Variants in ATP13A4 observed in about 807,000 individuals in gnomAD.
ATP13A4 encodes probable cation-transporting ATPase 13A4.
Under a neutral mutation model 142.5 loss-of-function variants are expected in ATP13A4, and 114 were observed. The observed-to-expected ratio is 0.80, with a 90% CI of 0.69 to 0.93. The LOEUF is 0.93. Ranked by LOEUF, ATP13A4 falls within the 40% of genes least tolerant of loss-of-function variation. The pLI, the probability that ATP13A4 is intolerant of heterozygous loss-of-function variation, is 0.00. For missense variants in ATP13A4, 1,392 were observed against 1,454.0 expected, an observed-to-expected ratio of 0.96 and a Z score of 0.69; for synonymous variants, 488 against 514.8, an observed-to-expected ratio of 0.95 and a Z score of 0.70.
chr3:193,591,904 G>C (rs1724807176), intron 1 of ATP13A4, among the ~76,000 whole-genome samples: 1 of 152,094 alleles, frequency 6.6e-6, no homozygotes, highest in African/African-American at 2.4e-5. Flanking sequence ...ATCCCAGGAA[G>C]ATCTACAGTT....
intron 25 of ATP13A4, among the ~76,000 whole-genome samples, chr3:193,420,862 G>A (rs1240714363): frequency 6.7e-6 from 1 of 149,410 alleles, no homozygotes; most frequent in Non-Finnish European, 1.5e-5. Flanking sequence ...TACCCAGTCA[G>A]AGGAAGCAAA....
intron 8 of ATP13A4, among the ~76,000 whole-genome samples, chr3:193,482,749 CA>C (rs1395490969): frequency 3.3e-5 from 5 of 152,118 alleles, no homozygotes; most frequent in Admixed American, 6.6e-5. Flanking sequence ...GTAACCATAC[CA>C]AGTGTTGTCA....
At chr3:193,530,268 C>T (rs1302097365) in intron 1 of ATP13A4, among the ~76,000 whole-genome samples, 1 of 151,820 alleles carries the variant, frequency 6.6e-6, no homozygotes, top group Non-Finnish European at 1.5e-5. Flanking sequence ...AACCTCATTA[C>T]TTTTTCTCCT....
At chr3:193,496,600 G>C (rs931043394) in intron 3 of ATP13A4, among the ~76,000 whole-genome samples, 1 of 152,058 alleles carries the variant, frequency 6.6e-6, no homozygotes, top group South Asian at 2.1e-4. Flanking sequence ...AGACCAGCCT[G>C]GCCAACATAG....
At chr3:193,441,160 T>C (rs138314433) in intron 20 of ATP13A4, among the ~76,000 whole-genome samples, 2 of 152,182 alleles carry the variant, frequency 1.3e-5, no homozygotes, top group African/African-American at 2.4e-5. Flanking sequence ...GTTTCCACTA[T>C]ACTCTGAGAC....
intron 1 of ATP13A4, among the ~76,000 whole-genome samples, chr3:193,530,282 G>GA (rs575172395): frequency 6.0e-5 from 9 of 151,020 alleles, no homozygotes; most frequent in Admixed American, 3.3e-4. Context: ...TTCTCCTAGG[G>GA]AAAAAAAATT....
In ATP13A4 at chr3:193,457,367, A is replaced by G. The variant is rs1717683324; in HGVS notation, c.1761+12T>C. ...TTTGGGTGTTGTGGGGTGAAGAGCA[A>G]GCAGGGCTTACCTGGCTGGCTGTTC... On this transcript the variant is annotated intron_variant, in intron 15 of 29. Coordinates refer to ENST00000342695, the MANE Select transcript of ATP13A4 (RefSeq NM_032279.4). 3 of 1,613,918 alleles carry G rather than the reference A, an allele frequency of 1.9e-6. No individual in the cohort carries two copies. The highest frequency in any genetic ancestry group is 2.5e-6 in the Non-Finnish European group (3 of 1,179,728).
rs539930432 is a variant in ATP13A4, at chr3:193,502,046, G to A, written c.381+447C>T. 2.0e-5 allele frequency among the ~76,000 whole-genome samples: 3 copies of A among 152,260 alleles called. No homozygotes were observed. The South Asian group carries it at 6.2e-4, about 32-fold the overall frequency. On this transcript the variant is annotated intron_variant, in intron 3 of 29. Transcript: ENST00000342695. ...GGAGGCTGAGGCAGGAGGATCACTT[G>A]AGCCCAGGAGTTTGAGGCTGTAGTG...
Position 193,402,145 on chromosome 3 carries a change from G to A in ATP13A4, c.*507C>T, listed in dbSNP as rs1714283836. On this transcript the variant is annotated 3_prime_UTR_variant, in exon 30 of 30. Transcript: ENST00000342695. ...CTTAACAATATGTTGGGTAAGGCCA[G>A]AAACAGAAGAAAAAGCCTCAAATCT... 1 of 158,340 alleles carries A rather than the reference G, an allele frequency of 6.3e-6. No homozygotes were observed. Among genetic ancestry groups the A allele is most frequent in the African/African-American group, 2.4e-5 (1 of 41,474 alleles). 9.8% of individuals were successfully genotyped at this position (158,340 alleles called of 1,614,324 possible).
At chr3:193,584,196 G>A (rs939409643) in intron 1 of ATP13A4, among the ~76,000 whole-genome samples, 2 of 152,164 alleles carry the variant, frequency 1.3e-5, no homozygotes, top group African/African-American at 4.8e-5. Context: ...CGATTATCTA[G>A]GTAGGCTGAT....
intron 1 of ATP13A4, among the ~76,000 whole-genome samples, chr3:193,531,672 T>C (rs960245195): frequency 6.6e-6 from 1 of 152,178 alleles, no homozygotes; most frequent in Non-Finnish European, 1.5e-5. Context: ...AAAAGATGGA[T>C]GACATGAAGG....
intron 1 of ATP13A4, chr3:193,553,869 G>A (rs1483244715): frequency 2.0e-5 from 3 of 152,124 alleles, no homozygotes; most frequent in Admixed American, 2.0e-4. Context: ...TATCTTTCAG[G>A]TTTGTTATTT....
intron 23 of ATP13A4, 150 bp downstream of exon 23, chr3:193,438,325 T>C: frequency 1.5e-6 from 1 of 686,550 alleles, no homozygotes; most frequent in East Asian, 2.8e-5. Context: ...GAAAATCCAT[T>C]TGGAAGTAGA....
intron 29 of ATP13A4, among the ~76,000 whole-genome samples, chr3:193,403,409 T>C (rs985218100): frequency 6.6e-6 from 1 of 152,192 alleles, no homozygotes; most frequent in Non-Finnish European, 1.5e-5. Context: ...ATGGGCAAAT[T>C]AGTTACTCTA....
At chr3:193,414,875 T>C in intron 25 of ATP13A4, 125 bp from the exon 26 acceptor site, 1 of 910,930 alleles carries the variant, frequency 1.1e-6, no homozygotes, top group South Asian at 1.4e-5. Context: ...CATCACAAAC[T>C]GAGGGAATAA....
At chr3:193,406,796 G>T (rs1368241840) in intron 29 of ATP13A4, among the ~76,000 whole-genome samples, 1 of 152,184 alleles carries the variant, frequency 6.6e-6, no homozygotes, top group African/African-American at 2.4e-5. Context: ...GTCCAGAAAA[G>T]TCAAATCCAC....
At chr3:193,582,693 T>C (rs1724584084) in intron 1 of ATP13A4, among the ~76,000 whole-genome samples, 1 of 66,982 alleles carries the variant, frequency 1.5e-5, no homozygotes, top group Non-Finnish European at 2.6e-5. Flanking sequence ...TATATATGTG[T>C]ATAACATATA....
At position 193,417,848 on chromosome 3, in the gene ATP13A4, C is replaced by T. The variant is rs184457986; in HGVS notation, c.2843-3098G>A. Among the ~76,000 whole-genome samples the T allele has an allele frequency of 4.8e-3, 709 of 146,748 alleles. 41 individuals are homozygous for T. Among genetic ancestry groups the T allele is most frequent in the African/African-American group, 0.016 (633 of 38,854 alleles). ...AAAATACAAAAAATTAGCGGCCGGG[C>T]GCGGTGGCTCACGCCTGTAATCCCA... On this transcript the variant is annotated intron_variant, in intron 25 of 29. Coordinates refer to ENST00000342695, the MANE Select transcript of ATP13A4 (RefSeq NM_032279.4).
chr3:193,487,090 G>C (rs1719672599), intron 7 of ATP13A4, among the ~76,000 whole-genome samples: 1 of 152,116 alleles, frequency 6.6e-6, no homozygotes, highest in Non-Finnish European at 1.5e-5. Context: ...GATAGAGAAG[G>C]ATGAGCTATC....
Sources: gnomAD v4.1 joint callset for allele counts (sites outside exome capture counted in the v4.1 genomes callset) on GRCh38, gnomAD v4.1.1 for gene constraint, MANE v1.5 for transcripts, NCBI Gene and HGNC (gene_info 2026-07-23, HGNC 2026-07-21) for gene names.